Variants in SLC10A7 observed in about 807,000 individuals in gnomAD.
SLC10A7 encodes the protein solute carrier family 10 member 7, also known as sodium/bile acid cotransporter 7.
SLC10A7 carries 29 observed loss-of-function variants against 43.2 expected under a neutral mutation model. The observed-to-expected ratio is 0.67, with a 90% CI of 0.50 to 0.92. The LOEUF (loss-of-function observed/expected upper bound fraction) is 0.92, where lower values mean the gene tolerates loss of function less well. Ranked by LOEUF, SLC10A7 falls within the 40% of genes least tolerant of loss-of-function variation. The pLI is 0.00. For synonymous variants in SLC10A7, 152 were observed against 144.8 expected (o/e 1.05, Z -0.35); for missense variants, 295 against 403.2 (o/e 0.73, Z 2.30).
intron 5 of SLC10A7, among the ~76,000 whole-genome samples, chr4:146,336,093 C>T (rs1210929610): frequency 6.6e-6 from 1 of 152,064 alleles, no homozygotes; most frequent in Non-Finnish European, 1.5e-5. Context: ...CAGAGGTTGG[C>T]AAACTTTTTC....
chr4:146,257,716 G>A (rs767639532), intron 11 of SLC10A7, among the ~76,000 whole-genome samples: 3 of 152,132 alleles, frequency 2.0e-5, no homozygotes, highest in Non-Finnish European at 4.4e-5. Context: ...ATTATCATTA[G>A]TCAGCAGAAA....
intron 6 of SLC10A7, among the ~76,000 whole-genome samples, chr4:146,316,373 T>A (rs1159290167): frequency 2.6e-5 from 4 of 152,034 alleles, no homozygotes; most frequent in Non-Finnish European, 5.9e-5. Context: ...GACAGGACTT[T>A]GGGAGGTGAT....
chr4:146,268,014 G>C (rs1728670129), intron 10 of SLC10A7, among the ~76,000 whole-genome samples: 7 of 152,088 alleles, frequency 4.6e-5, no homozygotes, highest in Admixed American at 4.6e-4. Flanking sequence ...TGATCTCTGT[G>C]GGTGGCATAT....
chr4:146,384,390 C>G lies in SLC10A7; in HGVS notation c.435+58393G>C, dbSNP rs1019153526. The stretch of plus-strand genomic sequence containing the variant: ...GAAATAATATATGCAACACATGTAA[C>G]AGACATAGGTTATTATTTTATGAGT... On this transcript the variant is annotated intron_variant, in intron 5 of 11. Coordinates refer to ENST00000335472, the MANE Select transcript of SLC10A7 (RefSeq NM_001029998.6). Among the ~76,000 whole-genome samples the G allele has an allele frequency of 2.0e-5, 3 of 151,922 alleles. No individual in the cohort carries two copies. The East Asian group carries it at 5.8e-4, about 29-fold the overall frequency.
chr4:146,466,479 T>G (rs545802800), intron 4 of SLC10A7, among the ~76,000 whole-genome samples: 4 of 151,906 alleles, frequency 2.6e-5, no homozygotes, highest in Non-Finnish European at 5.9e-5. Flanking sequence ...TGAATTTCAT[T>G]TTTTCCCCCA....
intron 5 of SLC10A7, among the ~76,000 whole-genome samples, chr4:146,415,856 G>T (rs1728522841): frequency 1.3e-5 from 2 of 152,222 alleles, no homozygotes; most frequent in South Asian, 4.1e-4. Context: ...ATTCCAACCA[G>T]CTTGAAATAT....
chr4:146,495,423 T>C (rs1735794574), intron 4 of SLC10A7, among the ~76,000 whole-genome samples: 1 of 152,190 alleles, frequency 6.6e-6, no homozygotes, highest in Non-Finnish European at 1.5e-5. Context: ...TCTTAATGCA[T>C]TGGATTAGCA....
At chr4:146,475,667 T>C (rs1387777674) in intron 4 of SLC10A7, among the ~76,000 whole-genome samples, 1 of 152,164 alleles carries the variant, frequency 6.6e-6, no homozygotes, top group East Asian at 1.9e-4. Context: ...TTCAAAGCTA[T>C]TACTCCAAAC....
intron 5 of SLC10A7, among the ~76,000 whole-genome samples, chr4:146,338,650 G>C (rs1308656560): frequency 6.6e-6 from 1 of 151,986 alleles, no homozygotes; most frequent in Non-Finnish European, 1.5e-5. Context: ...TGCAGAGTTA[G>C]TGGAAACACA....
At chr4:146,461,281 T>C (rs1732504393) in intron 4 of SLC10A7, among the ~76,000 whole-genome samples, 1 of 152,066 alleles carries the variant, frequency 6.6e-6, no homozygotes, top group Non-Finnish European at 1.5e-5. Flanking sequence ...TCAAAACAAC[T>C]TGTCACATAC....
intron 4 of SLC10A7, among the ~76,000 whole-genome samples, chr4:146,458,333 T>C (rs950353563): frequency 5.9e-5 from 9 of 151,774 alleles, no homozygotes; most frequent in African/African-American, 2.2e-4. Context: ...CTCTGCCTCA[T>C]ATAAAAAACC....
At chr4:146,318,814 A>T (rs950077395) in intron 6 of SLC10A7, among the ~76,000 whole-genome samples, 21 of 67,838 alleles carry the variant, frequency 3.1e-4, no homozygotes, top group Non-Finnish European at 5.2e-4. Flanking sequence ...TGGCAACTCT[A>T]CACTTCCAGC....
chr4:146,268,498 C>T lies in SLC10A7; in HGVS notation c.848-9661G>A, dbSNP rs552396952. Among the ~76,000 whole-genome samples the T allele has an allele frequency of 2.7e-4, 41 of 152,248 alleles. No individual in the cohort carries two copies. In the South Asian group the frequency reaches 7.9e-3, roughly 29 times the overall value. ...AGCAGTCACACCTTACACAGGACTT[C>T]GGAAGCCATTATCTGGAGTTCACAG... On this transcript the variant is annotated intron_variant, in intron 10 of 11. Transcript: ENST00000335472.
intron 5 of SLC10A7, among the ~76,000 whole-genome samples, chr4:146,384,913 T>C (rs1737882833): frequency 6.6e-6 from 1 of 152,074 alleles, no homozygotes; most frequent in Admixed American, 6.6e-5. Flanking sequence ...AGAATATATT[T>C]TTTAAAACAG....
intron 5 of SLC10A7, among the ~76,000 whole-genome samples, chr4:146,329,906 C>T (rs557839221): frequency 2.0e-5 from 3 of 152,140 alleles, no homozygotes; most frequent in South Asian, 2.1e-4. Context: ...TAAGTAAATT[C>T]TCCTGAAAAT....
chr4:146,266,423 A>G (rs1461769811), intron 10 of SLC10A7, among the ~76,000 whole-genome samples: 2 of 149,058 alleles, frequency 1.3e-5, no homozygotes, highest in Non-Finnish European at 3.0e-5. Flanking sequence ...ATGCACATGG[A>G]CACACACACA....
intron 5 of SLC10A7, among the ~76,000 whole-genome samples, chr4:146,376,770 G>A (rs758623130): frequency 2.4e-4 from 36 of 152,108 alleles, no homozygotes; most frequent in Admixed American, 1.8e-3. Flanking sequence ...CAGTTTTGCC[G>A]CGACTGTATA....
intron 6 of SLC10A7, among the ~76,000 whole-genome samples, chr4:146,307,007 GA>G (rs1450957623): frequency 6.6e-6 from 1 of 152,140 alleles, no homozygotes; most frequent in Admixed American, 6.6e-5. Context: ...TGGAGGTAAT[GA>G]TGATTGAGGG....
chr4:146,332,154 T>C (rs1268663667), intron 5 of SLC10A7, among the ~76,000 whole-genome samples: 2 of 152,150 alleles, frequency 1.3e-5, no homozygotes, highest in Non-Finnish European at 1.5e-5. Context: ...AGACTAAGGA[T>C]CTTAACATGC....
Sources: allele counts gnomAD v4.1 joint callset (sites outside exome capture counted in the v4.1 genomes callset), GRCh38; gene constraint gnomAD v4.1.1; transcripts MANE v1.5; gene names NCBI Gene and HGNC (gene_info 2026-07-23, HGNC 2026-07-21).